ZBTB7C: variants seen among roughly 807,000 people sequenced by gnomAD.
The protein encoded by ZBTB7C is zinc finger and BTB domain-containing protein 7C.
In ZBTB7C, 8 loss-of-function variants were observed where a neutral mutation model predicts 25.7. The observed-to-expected ratio is 0.31, with a 90% CI of 0.18 to 0.56. The LOEUF is 0.56. Ranked by LOEUF, ZBTB7C falls within the 20% of genes least tolerant of loss-of-function variation. ZBTB7C has a pLI of 0.91. For synonymous variants in ZBTB7C, 394 were observed against 369.0 expected (o/e 1.07, Z -0.78); for missense variants, 824 against 855.2 (o/e 0.96, Z 0.46).
chr18:48,067,767 C>T (rs1245824814), intron 3 of ZBTB7C, among the ~76,000 whole-genome samples: 6 of 151,942 alleles, frequency 3.9e-5, no homozygotes, highest in South Asian at 2.1e-4. Flanking sequence ...TTTGGGAGGC[C>T]GAGGCGGGCA....
intron 1 of ZBTB7C, among the ~76,000 whole-genome samples, chr18:48,403,586 G>A (rs937313333): frequency 6.6e-6 from 1 of 152,204 alleles, no homozygotes; most frequent in Non-Finnish European, 1.5e-5. Context: ...CCCAGGTATA[G>A]CCCAGGAGGA....
At chr18:48,165,447 AC>A (rs1192344524) in intron 3 of ZBTB7C, 3 of 306,762 alleles carry the variant, frequency 9.8e-6, no homozygotes, top group Non-Finnish European at 1.9e-5. Flanking sequence ...GAGAGAGGGG[AC>A]CTGGCCTTGT....
chr18:48,278,284 T>G (rs779903279), intron 2 of ZBTB7C, among the ~76,000 whole-genome samples: 1 of 152,140 alleles, frequency 6.6e-6, no homozygotes, highest in Non-Finnish European at 1.5e-5. Context: ...CAGAGAGGAC[T>G]AGGCCATGTT....
chr18:48,137,387 G>A (rs1383105361), intron 3 of ZBTB7C: 10 of 964,400 alleles, frequency 1.0e-5, no homozygotes, highest in Non-Finnish European at 1.1e-5. Context: ...TTTTCTTCCG[G>A]GTTCCTCCGT....
At chr18:48,265,844 C>A (rs1372500190) in intron 2 of ZBTB7C, among the ~76,000 whole-genome samples, 1 of 152,206 alleles carries the variant, frequency 6.6e-6, no homozygotes, top group African/African-American at 2.4e-5. Flanking sequence ...ACTTGCTGTA[C>A]CATGTGATTC....
chr18:48,405,675 G>A (rs2048263912), intron 1 of ZBTB7C, among the ~76,000 whole-genome samples: 2 of 152,132 alleles, frequency 1.3e-5, no homozygotes, highest in South Asian at 2.1e-4. Flanking sequence ...GCAGGATGCT[G>A]CACACAGGCT....
chr18:48,262,465 G>A (rs2144520128), intron 2 of ZBTB7C, among the ~76,000 whole-genome samples: 1 of 152,256 alleles, frequency 6.6e-6, no homozygotes, highest in Middle Eastern at 3.4e-3. Flanking sequence ...AGGAGATGAG[G>A]CCTACCCACA....
chr18:48,353,238 A>G (rs185346851), intron 1 of ZBTB7C, among the ~76,000 whole-genome samples: 16 of 152,326 alleles, frequency 1.1e-4, no homozygotes, highest in African/African-American at 3.8e-4. Context: ...AATCACACCA[A>G]TAACAAGGGG....
At chr18:48,248,675 C>G (rs894907688) in intron 2 of ZBTB7C, among the ~76,000 whole-genome samples, 1 of 152,034 alleles carries the variant, frequency 6.6e-6, no homozygotes, top group African/African-American at 2.4e-5. Flanking sequence ...TTCTCAGAAC[C>G]TAGAAGAATA....
intron 1 of ZBTB7C, among the ~76,000 whole-genome samples, chr18:48,354,381 A>G (rs1177135885): frequency 6.6e-6 from 1 of 152,102 alleles, no homozygotes; most frequent in African/African-American, 2.4e-5. Flanking sequence ...ACAATTAAGG[A>G]ATTTGCTCAC....
At chr18:48,033,335 T>G (rs913855796) in intron 4 of ZBTB7C, among the ~76,000 whole-genome samples, 3 of 152,186 alleles carry the variant, frequency 2.0e-5, no homozygotes, top group African/African-American at 7.2e-5. Flanking sequence ...TTGTAAGCTA[T>G]TCTGGGGATG....
intron 2 of ZBTB7C, among the ~76,000 whole-genome samples, chr18:48,239,869 CT>C (rs2043478120): frequency 6.6e-6 from 1 of 152,118 alleles, no homozygotes; most frequent in Non-Finnish European, 1.5e-5. Flanking sequence ...AAGAAGAAAT[CT>C]CTGAATTTCC....
chr18:48,312,730 C>T (rs1412166748), intron 2 of ZBTB7C, among the ~76,000 whole-genome samples: 1 of 152,244 alleles, frequency 6.6e-6, no homozygotes, highest in Admixed American at 6.5e-5. Flanking sequence ...GGTCATGTCA[C>T]ATGCTGTGTC....
intron 3 of ZBTB7C, among the ~76,000 whole-genome samples, chr18:48,136,076 G>A (rs2040146458): frequency 6.6e-6 from 1 of 151,946 alleles, no homozygotes; most frequent in Non-Finnish European, 1.5e-5. Context: ...TCCGCGCGGG[G>A]TGGGCGGCGG....
intron 3 of ZBTB7C, among the ~76,000 whole-genome samples, chr18:48,168,985 C>A (rs2041368577): frequency 1.3e-5 from 2 of 152,338 alleles, no homozygotes; most frequent in East Asian, 1.9e-4. Context: ...AGGTAAGACA[C>A]CCCTGGCAGC....
At chr18:48,172,883 A>G (rs1012153201) in intron 3 of ZBTB7C, among the ~76,000 whole-genome samples, 6 of 151,232 alleles carry the variant, frequency 4.0e-5, no homozygotes, top group Admixed American at 3.9e-4. Flanking sequence ...GCAGAGACAG[A>G]GGAGCACAGG....
At chr18:48,219,998 C>T (rs1470140097) in intron 2 of ZBTB7C, among the ~76,000 whole-genome samples, 2 of 152,168 alleles carry the variant, frequency 1.3e-5, no homozygotes, top group Non-Finnish European at 1.5e-5. Flanking sequence ...TGTTGGCCAA[C>T]ATTTGTCCCA....
chr18:48,085,261 G>A (rs1475695931), intron 3 of ZBTB7C, among the ~76,000 whole-genome samples: 1 of 152,134 alleles, frequency 6.6e-6, no homozygotes, highest in Non-Finnish European at 1.5e-5. Context: ...AGTATGCTGG[G>A]GAGAGGAGGG....
Position 48,394,050 on chromosome 18 carries a change from C to T in ZBTB7C, c.-304+15176G>A, listed in dbSNP as rs72642437. The stretch of plus-strand genomic sequence containing the variant: ...AGTGGATTTTGAAGTATTTCTATCA[C>T]AGCCATTGCACTTGAAAACTTCCAT... On this transcript the variant is annotated intron_variant, in intron 1 of 4. Transcript: ENST00000590800. Among the ~76,000 whole-genome samples the T allele has an allele frequency of 0.059, 8,935 of 152,242 alleles. 1,686 individuals are homozygous for T. The East Asian group carries it at 0.67, about 11-fold the overall frequency.
Sources: allele counts gnomAD v4.1 joint callset (sites outside exome capture counted in the v4.1 genomes callset), GRCh38; gene constraint gnomAD v4.1.1; transcripts MANE v1.5; gene names NCBI Gene and HGNC (gene_info 2026-07-23, HGNC 2026-07-21).